The following PRKN variants were observed in gnomAD, a reference collection of about 807,000 sequenced individuals.
The protein encoded by PRKN is parkin RBR E3 ubiquitin protein ligase, also known as E3 ubiquitin-protein ligase parkin.
PRKN carries 56 observed loss-of-function variants against 59.5 expected under a neutral mutation model. That is an observed-to-expected ratio of 0.94 (90% confidence interval 0.76 to 1.18). The LOEUF is 1.18. Ranked by LOEUF, PRKN falls within the 50% of genes most tolerant of loss-of-function variation. The pLI is 0.00. For missense variants in PRKN, 657 were observed against 596.4 expected, an observed-to-expected ratio of 1.10 and a Z score of -1.06; for synonymous variants, 250 against 222.1, an observed-to-expected ratio of 1.13 and a Z score of -1.12.
chr6:162,562,458 G>T (rs527267455), intron 1 of PRKN, among the ~76,000 whole-genome samples: 1 of 152,134 alleles, frequency 6.6e-6, no homozygotes, highest in East Asian at 1.9e-4. Context: ...GGGCCAGTGG[G>T]AAGTCCACTG....
At chr6:161,573,756 ATATATATATATAT>A (rs1317964261) in intron 7 of PRKN, among the ~76,000 whole-genome samples, 5 of 5,164 alleles carry the variant, frequency 9.7e-4, no homozygotes, top group Non-Finnish European at 1.8e-3. Flanking sequence ...AAAAAAAAAA[ATATATATATATAT>A]ATATATATAT....
At chr6:161,624,083 CTCT>C (rs1251502419) in intron 7 of PRKN, among the ~76,000 whole-genome samples, 2 of 152,176 alleles carry the variant, frequency 1.3e-5, no homozygotes, top group African/African-American at 4.8e-5. Context: ...ATACTCTTTC[CTCT>C]TGACATCTTG....
intron 7 of PRKN, among the ~76,000 whole-genome samples, chr6:161,775,679 T>C (rs1471775026): frequency 6.6e-6 from 1 of 152,242 alleles, no homozygotes; most frequent in Non-Finnish European, 1.5e-5. Context: ...ATTAACATGA[T>C]TATTTGTATT....
intron 1 of PRKN, among the ~76,000 whole-genome samples, chr6:162,723,016 T>C (rs764629339): frequency 2.0e-5 from 3 of 152,188 alleles, no homozygotes; most frequent in African/African-American, 2.4e-5. Context: ...CTTATCAAAA[T>C]GGCAGGGCAA....
chr6:162,523,932 G>A (rs1778175004), intron 1 of PRKN, among the ~76,000 whole-genome samples: 1 of 152,114 alleles, frequency 6.6e-6, no homozygotes, highest in African/African-American at 2.4e-5. Flanking sequence ...TAAGGATAGT[G>A]TGAGTGTGAA....
intron 7 of PRKN, among the ~76,000 whole-genome samples, chr6:161,737,652 C>T (rs551932634): frequency 6.6e-6 from 1 of 152,154 alleles, no homozygotes; most frequent in East Asian, 1.9e-4. Flanking sequence ...TAAGTGAAGC[C>T]CAGCAAGATT....
chr6:161,381,407 A>G (rs937712375), intron 10 of PRKN, among the ~76,000 whole-genome samples: 1 of 152,158 alleles, frequency 6.6e-6, no homozygotes, highest in Non-Finnish European at 1.5e-5. Context: ...TCCCTTGCCT[A>G]TGGACAAAAT....
intron 2 of PRKN, among the ~76,000 whole-genome samples, chr6:162,420,202 G>A (rs1788883856): frequency 6.6e-6 from 1 of 150,510 alleles, no homozygotes; most frequent in Admixed American, 6.6e-5. Context: ...AGATCATCAG[G>A]CATTAGATTC....
chr6:162,035,974 A>G (rs1783821338), intron 5 of PRKN, among the ~76,000 whole-genome samples: 1 of 152,230 alleles, frequency 6.6e-6, no homozygotes, highest in African/African-American at 2.4e-5. Context: ...TTCATTAAAT[A>G]TCTCCAAGTG....
intron 1 of PRKN, among the ~76,000 whole-genome samples, chr6:162,608,978 G>A (rs1469306681): frequency 2.0e-5 from 3 of 152,136 alleles, no homozygotes; most frequent in Admixed American, 1.3e-4. Flanking sequence ...CAAAGGCCTC[G>A]CCTCTCTGCC....
At chr6:161,811,858 G>A (rs1699154070) in intron 6 of PRKN, among the ~76,000 whole-genome samples, 1 of 151,728 alleles carries the variant, frequency 6.6e-6, no homozygotes, top group Admixed American at 6.6e-5. Context: ...GGAGGTGGAG[G>A]TTGCAGTGAG....
intron 4 of PRKN, among the ~76,000 whole-genome samples, chr6:162,139,101 G>A (rs1347268731): frequency 1.3e-5 from 2 of 152,190 alleles, no homozygotes; most frequent in African/African-American, 4.8e-5. Context: ...TTAAAAAGAA[G>A]TTTAAAGTAA....
rs117640549 is a variant in PRKN at position 161,890,546 on chromosome 6, G to A, written c.734+82756C>T. On this transcript the variant is annotated intron_variant, in intron 6 of 11. Coordinates refer to ENST00000366898, the MANE Select transcript of PRKN (RefSeq NM_004562.3). ...GCTGAAGACGAAGAGGAGCCATGCG[G>A]CCGGATTTAAGCCTTGGGGGAATGC... is the stretch of plus-strand genomic sequence containing the variant. 3.9e-5 allele frequency among the ~76,000 whole-genome samples: 6 copies of A among 152,300 alleles called. No homozygotes were observed. In the East Asian group the frequency reaches 1.2e-3, roughly 29 times the overall value.
intron 6 of PRKN, among the ~76,000 whole-genome samples, chr6:161,900,775 T>G: frequency 1.1e-5 from 1 of 89,206 alleles, no homozygotes; most frequent in Non-Finnish European, 2.1e-5. Flanking sequence ...ACAACATACA[T>G]AATTATATAT....
At chr6:162,591,521 G>C (rs1341545019) in intron 1 of PRKN, among the ~76,000 whole-genome samples, 1 of 152,010 alleles carries the variant, frequency 6.6e-6, no homozygotes, top group African/African-American at 2.4e-5. Context: ...GATTATTCTT[G>C]TGAAGAAAAA....
chr6:161,597,837 C>T (rs1416843068), intron 7 of PRKN, among the ~76,000 whole-genome samples: 4 of 15,288 alleles, frequency 2.6e-4, no homozygotes, highest in Non-Finnish European at 4.4e-4. Context: ...CCAGCGTGCG[C>T]ACACACACAC....
chr6:162,677,176 G>A (rs925671117), intron 1 of PRKN, among the ~76,000 whole-genome samples: 4 of 151,720 alleles, frequency 2.6e-5, no homozygotes, highest in African/African-American at 9.7e-5. Context: ...CAGGGCATAG[G>A]AGATAAAGCA....
At position 161,473,451 on chromosome 6, in the gene PRKN, T is replaced by C. The variant is rs1403239341; in HGVS notation, c.1083+75403A>G. ...CAACATGTATTAACCTGGAGGACAT[T>C]ATGCTAAGTGAACTGAGCCAGACAC... On this transcript the variant is annotated intron_variant, in intron 9 of 11. Transcript: ENST00000366898. The surrounding 1 kb of genome is among the most constrained non-coding windows in gnomAD (Gnocchi z 4.1). Among the ~76,000 whole-genome samples the C allele has an allele frequency of 6.6e-6, 1 of 151,798 alleles. No individual in the cohort carries two copies. Among genetic ancestry groups the C allele is most frequent in the Non-Finnish European group, 1.5e-5 (1 of 67,962 alleles).
At chr6:162,474,165 A>C (rs557127821) in intron 1 of PRKN, among the ~76,000 whole-genome samples, 1 of 152,234 alleles carries the variant, frequency 6.6e-6, no homozygotes, top group Non-Finnish European at 1.5e-5. Flanking sequence ...AAATATTTAC[A>C]TAACATAGTA....
Sources: gnomAD v4.1 joint callset for allele counts (sites outside exome capture counted in the v4.1 genomes callset) on GRCh38, gnomAD v4.1.1 for gene constraint, Gnocchi (gnomAD v3.1) non-coding constraint, MANE v1.5 for transcripts, NCBI Gene and HGNC (gene_info 2026-07-23, HGNC 2026-07-21) for gene names.